The following SEMA5B variants were observed in gnomAD, a reference collection of about 807,000 sequenced individuals.
The protein encoded by SEMA5B is semaphorin-5B.
In SEMA5B, 66 loss-of-function variants were observed where a neutral mutation model predicts 135.0. The ratio of observed to expected loss-of-function variants is 0.49; its 90% CI spans 0.40 to 0.60. The LOEUF (loss-of-function observed/expected upper bound fraction) is 0.60, where lower values mean the gene tolerates loss of function less well. Ranked by LOEUF, SEMA5B falls within the 20% of genes least tolerant of loss-of-function variation. SEMA5B has a pLI of 0.00. For synonymous variants in SEMA5B, 690 were observed against 639.5 expected (o/e 1.08, Z -1.19); for missense variants, 1,501 against 1,566.3 (o/e 0.96, Z 0.70).
intron 5 of SEMA5B, among the ~76,000 whole-genome samples, chr3:122,930,391 C>T (rs375038525): frequency 5.4e-4 from 83 of 152,364 alleles, no homozygotes; most frequent in African/African-American, 1.8e-3. Context: ...CACAGAGCCA[C>T]GGTGTTCATC....
intron 1 of SEMA5B, among the ~76,000 whole-genome samples, chr3:122,986,593 T>TTGTGTG (rs145873533): frequency 0.058 from 8,434 of 144,244 alleles, 427 homozygotes; most frequent in East Asian, 0.13. Flanking sequence ...CAGAGCATAT[T>TTGTGTG]TGTGTGTGTG....
Position 122,929,028 on chromosome 3 carries a change from G to T in SEMA5B, c.505C>A (p.Arg169Ser), listed in dbSNP as rs760351333. ...ATEWASSEDT[R>S]RSCQSKGKTE... ...TTCCCTTTGCTTTGGCAGGAGCGGC[G>T]CGTGTCCTCACTGGAGGCCCACTCT... Residue 169 changes from arginine (R) to serine (S), a missense_variant, in exon 6 of 23, where the codon CGC becomes AGC. Around this residue, in one of 2 missense-constraint regions of SEMA5B, gnomAD observed 574 missense variants for 684.7 expected, o/e 0.84. Coordinates refer to ENST00000357599, the MANE Select transcript of SEMA5B (RefSeq NM_001031702.4). 3 of 1,612,152 alleles carry T rather than the reference G, an allele frequency of 1.9e-6. No individual in the cohort carries two copies. Among genetic ancestry groups the T allele is most frequent in the Non-Finnish European group, 1.7e-6 (2 of 1,180,022 alleles).
chr3:122,914,021 C>T lies in SEMA5B; in HGVS notation c.1989-20G>A, dbSNP rs376149434. On this transcript the variant is annotated intron_variant, in intron 14 of 22. Transcript: ENST00000357599. ...CCATTCCTGGCGGGGTGGGAGGGGA[C>T]AGAGACAGATGCCCCTCTGAGCCCT... 1 of 1,559,420 alleles carries T rather than the reference C, an allele frequency of 6.4e-7. No individual in the cohort carries two copies. Among genetic ancestry groups the T allele is most frequent in the Non-Finnish European group, 8.7e-7 (1 of 1,151,384 alleles).
At chr3:122,928,670 T>A in intron 6 of SEMA5B, 55 bp from the exon 7 acceptor site, 1 of 1,265,572 alleles carries the variant, frequency 7.9e-7, no homozygotes, top group Middle Eastern at 1.9e-4. Flanking sequence ...CGATGCTGGA[T>A]ATCTCACGCT....
At chr3:122,928,749 CGACGTCCGGGTCACGTCTGTG>C (rs1179912276) in intron 6 of SEMA5B, 134 bp from the exon 7 acceptor site, 1 of 770,286 alleles carries the variant, frequency 1.3e-6, no homozygotes, top group African/African-American at 1.7e-5. Context: ...CCACCTGTCC[CGACGTCCGGGTCACGTCTGTG>C]GACGTCCCCT....
intron 9 of SEMA5B, among the ~76,000 whole-genome samples, chr3:122,925,686 G>GA (rs777082128): frequency 1.7e-4 from 25 of 149,384 alleles, no homozygotes; most frequent in South Asian, 4.2e-4. Flanking sequence ...AAAGAAAAAA[G>GA]AAAAAAAAAG....
At chr3:122,970,748 T>C (rs981109564) in intron 1 of SEMA5B, among the ~76,000 whole-genome samples, 1 of 152,224 alleles carries the variant, frequency 6.6e-6, no homozygotes, top group Non-Finnish European at 1.5e-5. Flanking sequence ...GGCACAGAGA[T>C]GTTCATGACT....
intron 1 of SEMA5B, among the ~76,000 whole-genome samples, chr3:123,003,350 T>G (rs1942228792): frequency 6.6e-6 from 1 of 152,214 alleles, no homozygotes; most frequent in Non-Finnish European, 1.5e-5. Context: ...TGACATGCTT[T>G]TAGTTCAAGT....
intron 12 of SEMA5B, among the ~76,000 whole-genome samples, chr3:122,920,881 C>A (rs1938312711): frequency 6.6e-6 from 1 of 152,206 alleles, no homozygotes; most frequent in South Asian, 2.1e-4. Flanking sequence ...TTCTCTCACA[C>A]CAACAGTCTT....
chr3:122,993,880 A>G (rs1004336556), intron 1 of SEMA5B, among the ~76,000 whole-genome samples: 1 of 152,004 alleles, frequency 6.6e-6, no homozygotes, highest in Non-Finnish European at 1.5e-5. Flanking sequence ...CGAAATAGTC[A>G]GCGGCATCGC....
chr3:122,915,589 G>A lies in SEMA5B; in HGVS notation c.1839C>T (p.Gly613=). The A allele has an allele frequency of 6.2e-7, 1 of 1,613,584 alleles. No homozygotes were observed. The highest frequency in any genetic ancestry group is 1.1e-5 in the South Asian group (1 of 91,012). Residue 613 remains glycine, a synonymous_variant, in exon 14 of 23, where the codon GGC becomes GGT. Coordinates refer to ENST00000357599, the MANE Select transcript of SEMA5B (RefSeq NM_001031702.4). ...VRNVTRDGGF[G]PWSPWQPCEH... ...CACATGGTTGCCATGGTGACCATGG[G>A]CCGAAGCCCCCATCCCGTGTCACAT...
intron 1 of SEMA5B, among the ~76,000 whole-genome samples, chr3:122,972,061 C>T (rs1219319647): frequency 1.3e-5 from 2 of 152,234 alleles, no homozygotes; most frequent in Non-Finnish European, 1.5e-5. Flanking sequence ...GGCTGGGTCA[C>T]TTCTCCAGTG....
At position 122,912,887 on chromosome 3, in the gene SEMA5B, C is replaced by G. The variant is rs367576069; in HGVS notation, c.2681G>C (p.Gly894Ala). The change falls in exon 18 of 23, where the codon GGC becomes GCC. Residue 894 changes from glycine (G) to alanine (A), a missense_variant. By Grantham distance (60) the Gly-to-Ala change is moderately conservative (BLOSUM62 0). Coordinates refer to ENST00000357599, the MANE Select transcript of SEMA5B (RefSeq NM_001031702.4). ...GCAGTCCTGGTACTCGGCAGCATCG[C>G]CCACGCAGGGCAGGCCCCCGTTGCG... ...EPRNGGLPCV[G>A]DAAEYQDCNP... 1.4e-5 allele frequency: 23 copies of G among 1,608,222 alleles called. No homozygotes were observed. Among genetic ancestry groups the G allele is most frequent in the Non-Finnish European group, 1.9e-5 (22 of 1,177,144 alleles).
intron 1 of SEMA5B, among the ~76,000 whole-genome samples, chr3:122,962,573 A>G (rs1576370337): frequency 6.6e-6 from 1 of 152,378 alleles, no homozygotes; most frequent in South Asian, 2.1e-4. Flanking sequence ...CAACACCGGC[A>G]CACAAGGTGA....
In SEMA5B at chr3:122,915,473, A is replaced by G; in HGVS notation, c.1955T>C (p.Leu652Pro). The G allele has an allele frequency of 1.2e-6, 2 of 1,613,206 alleles. No homozygotes were observed. The highest frequency in any genetic ancestry group is 1.7e-6 in the Non-Finnish European group (2 of 1,179,594). Residue 652 changes from leucine to proline, a missense_variant, in exon 14 of 23, where the codon CTG (leucine) becomes CCG (proline). This residue lies in a region of SEMA5B where 927 missense variants were observed against 881.6 expected (regional missense o/e 1.05). Transcript: ENST00000357599. ...GTTGGCGATGTGGATGGCTGGCCCCAGGCAGTCAAGGCCCCCACAGCGGGG... is the reference window on the plus strand; with the variant it reads ...GTTGGCGATGTGGATGGCTGGCCCCGGGCAGTCAAGGCCCCCACAGCGGGG... ...PRPRCGGLDC[L>P]GPAIHIANCS...
At chr3:122,939,288 A>C (rs752058173) in intron 5 of SEMA5B, 137 bp downstream of exon 5, 1 of 706,494 alleles carries the variant, frequency 1.4e-6, no homozygotes, top group Non-Finnish European at 2.5e-6. Context: ...GTCTGAGTCC[A>C]TGGCCAGTGA....
At chr3:123,028,041 A>G (rs1215488770), upstream of SEMA5B, among the ~76,000 whole-genome samples, 2 of 151,738 alleles carry the variant, frequency 1.3e-5, no homozygotes, top group Non-Finnish European at 2.9e-5. Flanking sequence ...CGGCGGCAAG[A>G]CCTAGGACTC....
intron 1 of SEMA5B, among the ~76,000 whole-genome samples, chr3:123,003,854 A>T (rs79827808): frequency 2.7e-5 from 3 of 110,140 alleles, no homozygotes; most frequent in African/African-American, 5.0e-5. Context: ...ATAAATAAAT[A>T]AATAATAATA....
chr3:123,008,036 A>G (rs1942351976), intron 1 of SEMA5B, among the ~76,000 whole-genome samples: 1 of 152,254 alleles, frequency 6.6e-6, no homozygotes, highest in African/African-American at 2.4e-5. Context: ...TTAATGAGGA[A>G]TAGCAAATCT....
Sources: gnomAD v4.1 joint callset for allele counts (sites outside exome capture counted in the v4.1 genomes callset) on GRCh38, gnomAD v4.1.1 for gene constraint, gnomAD v4.1.1 regional missense constraint, MANE v1.5 for transcripts, NCBI Gene and HGNC (gene_info 2026-07-23, HGNC 2026-07-21) for gene names.